Variants in FBXL5 observed in about 807,000 individuals in gnomAD.
The protein encoded by FBXL5 is F-box and leucine rich repeat protein 5, also known as F-box/LRR-repeat protein 5.
A neutral mutation model predicts 78.3 loss-of-function variants in FBXL5; 26 were observed. The observed-to-expected ratio is 0.33, with a 90% confidence interval of 0.24 to 0.46. The LOEUF is 0.46. Among genes scored for constraint, FBXL5 ranks in the 20% least tolerant of loss-of-function variants. FBXL5 has a pLI of 1.00. For synonymous variants in FBXL5, 295 were observed against 282.5 expected, an observed-to-expected ratio of 1.04 and a Z score of -0.45; for missense variants, 710 against 829.2, an observed-to-expected ratio of 0.86 and a Z score of 1.77.
chr4:15,654,585 A>C (rs1221465369), intron 1 of FBXL5, among the ~76,000 whole-genome samples: 1 of 152,266 alleles, frequency 6.6e-6, no homozygotes, highest in Non-Finnish European at 1.5e-5. Flanking sequence ...CGATAACGAC[A>C]CATGAAGAGT....
intron 1 of FBXL5, among the ~76,000 whole-genome samples, chr4:15,670,822 T>C (rs1486212211): frequency 6.6e-6 from 1 of 152,082 alleles, no homozygotes; most frequent in Non-Finnish European, 1.5e-5. Context: ...TTAACATTTC[T>C]GGTACAACGG....
chr4:15,654,759 G>C (rs968875662), intron 1 of FBXL5, among the ~76,000 whole-genome samples: 3 of 152,200 alleles, frequency 2.0e-5, no homozygotes, highest in Non-Finnish European at 4.4e-5. Flanking sequence ...CCCCGAACAG[G>C]CCCGGGGGAG....
intron 1 of FBXL5, among the ~76,000 whole-genome samples, chr4:15,679,316 T>C (rs1342044532): frequency 1.3e-5 from 2 of 151,892 alleles, no homozygotes; most frequent in Non-Finnish European, 2.9e-5. Context: ...CCTCTCAAAG[T>C]GCTGGGATTA....
chr4:15,637,112 T>C (rs1443095908), intron 4 of FBXL5, among the ~76,000 whole-genome samples: 1 of 152,236 alleles, frequency 6.6e-6, no homozygotes, highest in Non-Finnish European at 1.5e-5. Flanking sequence ...TTTCCATTTA[T>C]GCATTATGAC....
intron 1 of FBXL5, among the ~76,000 whole-genome samples, chr4:15,677,763 T>C (rs1457237515): frequency 6.6e-6 from 1 of 152,190 alleles, no homozygotes. Flanking sequence ...GTAGTAAATA[T>C]AGTGCTTTCC....
chr4:15,605,135 C>CATTT lies in FBXL5; in HGVS notation c.*587_*588insAAAT, dbSNP rs1167943635. ...GAGAACAAAGTATCCCTAAAGGAAA[C>CATTT]AAATATCGATTGGTGCTTTCCTAGC... On this transcript the variant is annotated 3_prime_UTR_variant, in exon 11 of 11. Transcript: ENST00000341285. 4 of 152,622 alleles carry CATTT rather than the reference C, an allele frequency of 2.6e-5. No homozygotes were observed. The highest frequency in any genetic ancestry group is 9.7e-5 in the African/African-American group (4 of 41,444). 9.5% of individuals were successfully genotyped at this position (152,622 alleles called of 1,614,324 possible).
intron 1 of FBXL5, among the ~76,000 whole-genome samples, chr4:15,653,893 T>C (rs547945513): frequency 6.6e-6 from 1 of 152,354 alleles, no homozygotes; most frequent in Non-Finnish European, 1.5e-5. Flanking sequence ...TTTAGTGACC[T>C]AGACATCAGG....
At chr4:15,635,552 G>T (rs1296355729) in intron 5 of FBXL5, among the ~76,000 whole-genome samples, 1 of 151,570 alleles carries the variant, frequency 6.6e-6, no homozygotes, top group Non-Finnish European at 1.5e-5. Context: ...TCAGGAATTC[G>T]AGACCAGCCT....
At chr4:15,619,125 T>C (rs1003041073) in intron 9 of FBXL5, among the ~76,000 whole-genome samples, 1 of 152,132 alleles carries the variant, frequency 6.6e-6, no homozygotes, top group Non-Finnish European at 1.5e-5. Context: ...ATAGCACCAC[T>C]GCATTCCCAA....
At position 15,636,618 on chromosome 4, in the gene FBXL5, C is replaced by T; in HGVS notation, c.642G>A (p.Leu214=). 2 of 1,613,978 alleles carry T rather than the reference C, an allele frequency of 1.2e-6. No individual in the cohort carries two copies. The highest frequency in any genetic ancestry group is 1.7e-6 in the Non-Finnish European group (2 of 1,179,922). The part of the protein sequence containing the change: ...GITHLPPEVM[L]SIFSYLNPQE... ...GAGGATTAAGATAGCTGAAAATTGA[C>T]AGCATTACCTCAGGAGGAAGATGGG... The change falls in exon 5 of 11, where the codon CTG becomes CTA. Residue 214 remains leucine (L), a synonymous_variant. Transcript: ENST00000341285.
intron 5 of FBXL5, among the ~76,000 whole-genome samples, chr4:15,632,350 T>TCA (rs1713760425): frequency 6.6e-6 from 1 of 152,222 alleles, no homozygotes; most frequent in Non-Finnish European, 1.5e-5. Flanking sequence ...GGTAGCATGA[T>TCA]GCCTCCAGCT....
chr4:15,624,620 G>T (rs7682586), intron 9 of FBXL5, among the ~76,000 whole-genome samples: 6 of 149,970 alleles, frequency 4.0e-5, no homozygotes. Context: ...AAAAAAAGTC[G>T]GTTTAATCTG....
At chr4:15,658,522 A>T (rs183142399), upstream of FBXL5, among the ~76,000 whole-genome samples, 1 of 152,248 alleles carries the variant, frequency 6.6e-6, no homozygotes, top group Non-Finnish European at 1.5e-5. Context: ...TAGGAGTGGG[A>T]CTGGTGGCTT....
upstream of FBXL5, chr4:15,656,125 G>T (rs1257719287): frequency 2.2e-6 from 1 of 454,712 alleles, no homozygotes; most frequent in African/African-American, 2.0e-5. Context: ...CGGGCCTTGG[G>T]GGTGGGGAGA....
intron 1 of FBXL5, among the ~76,000 whole-genome samples, chr4:15,677,928 A>T (rs1718055287): frequency 2.1e-5 from 2 of 93,424 alleles, no homozygotes; most frequent in Non-Finnish European, 4.9e-5. Flanking sequence ...TGTGGGACTG[A>T]GCGCTTAACC....
rs201608870 is a variant in FBXL5, at chr4:15,630,921, G to GT, written c.767-131dup. 3,868 of 1,119,982 alleles carry GT rather than the reference G, an allele frequency of 3.5e-3. 3 individuals are homozygous for GT. Among genetic ancestry groups the GT allele is most frequent in the Non-Finnish European group, 3.9e-3 (3,140 of 799,900 alleles). 69.4% of individuals were successfully genotyped at this position (1,119,982 alleles called of 1,614,324 possible). On this transcript the variant is annotated intron_variant, in intron 5 of 10. Coordinates refer to ENST00000341285, the MANE Select transcript of FBXL5 (RefSeq NM_012161.4). ...TCTGAGCCCTAGGCAATAAGCAACT[G>GT]TTTTTTTTTAATACTTTTAAGTTCT...
At chr4:15,618,054 G>A (rs1011932387) in intron 9 of FBXL5, among the ~76,000 whole-genome samples, 2 of 152,118 alleles carry the variant, frequency 1.3e-5, no homozygotes, top group Non-Finnish European at 2.9e-5. Flanking sequence ...ATAAAGATGA[G>A]AGCAAAAATT....
intron 1 of FBXL5, 60 bp from the exon 2 acceptor site, chr4:15,644,768 A>G: frequency 8.3e-7 from 1 of 1,201,548 alleles, no homozygotes; most frequent in Non-Finnish European, 1.2e-6. Flanking sequence ...ACAAATAAAA[A>G]ATATTCAAAT....
rs552564352 is a variant in FBXL5, at chr4:15,607,249, G to A, written c.2000-1450C>T. Among the ~76,000 whole-genome samples the A allele has an allele frequency of 2.6e-5, 4 of 152,298 alleles. No individual in the cohort carries two copies. In the East Asian group the frequency reaches 7.7e-4, roughly 29 times the overall value. Reference sequence around the variant, plus strand: ...ATAACTGCTGAAGCTGATGGTACATGAGGATTCGTTGTATTATTCGATGTT... The same window carrying A: ...ATAACTGCTGAAGCTGATGGTACATAAGGATTCGTTGTATTATTCGATGTT... On this transcript the variant is annotated intron_variant, in intron 10 of 10. Transcript: ENST00000341285.
Sources: gnomAD v4.1 joint callset for allele counts (sites outside exome capture counted in the v4.1 genomes callset) on GRCh38, gnomAD v4.1.1 for gene constraint, MANE v1.5 for transcripts, NCBI Gene and HGNC (gene_info 2026-07-23, HGNC 2026-07-21) for gene names.